Variants in TRERF1 observed in about 807,000 individuals in gnomAD.
TRERF1 encodes the protein transcriptional-regulating factor 1.
TRERF1 carries 27 observed loss-of-function variants against 122.9 expected under a neutral mutation model. That is an observed-to-expected ratio of 0.22 (90% confidence interval 0.16 to 0.30). TRERF1 has a LOEUF of 0.30. TRERF1 is among the 10% of genes least tolerant of loss of function. The pLI is 1.00. For missense variants in TRERF1, 1,248 were observed against 1,560.3 expected (o/e 0.80, Z 3.37); for synonymous variants, 636 against 641.7 (o/e 0.99, Z 0.13).
At chr6:42,418,005 T>G (rs1380187453) in intron 2 of TRERF1, among the ~76,000 whole-genome samples, 1 of 152,112 alleles carries the variant, frequency 6.6e-6, no homozygotes, top group Non-Finnish European at 1.5e-5. Context: ...AATCTTTTAC[T>G]GCACTACACA....
intron 3 of TRERF1, among the ~76,000 whole-genome samples, chr6:42,313,974 C>T (rs141028634): frequency 1.3e-5 from 2 of 151,848 alleles, no homozygotes; most frequent in Non-Finnish European, 2.9e-5. Context: ...GGAATGAGAC[C>T]GGAAGCCGGG....
intron 3 of TRERF1, among the ~76,000 whole-genome samples, chr6:42,362,200 A>G (rs1051437164): frequency 6.6e-6 from 1 of 152,202 alleles, no homozygotes; most frequent in Non-Finnish European, 1.5e-5. Flanking sequence ...TGGAACCCCG[A>G]GACACAATGG....
At chr6:42,407,169 A>G (rs1051112583) in intron 2 of TRERF1, among the ~76,000 whole-genome samples, 9 of 152,184 alleles carry the variant, frequency 5.9e-5, no homozygotes, top group African/African-American at 1.7e-4. Context: ...CAGGCTTACA[A>G]AAAGTTTCAA....
At chr6:42,365,436 A>AC (rs1186103107) in intron 2 of TRERF1, among the ~76,000 whole-genome samples, 1 of 152,178 alleles carries the variant, frequency 6.6e-6, no homozygotes, top group East Asian at 1.9e-4. Context: ...TGAAGGCTTC[A>AC]TCATTCTCCC....
In TRERF1 at chr6:42,228,614, CCTG is replaced by C. The variant is rs763016104; in HGVS notation, c.3331_3333del (p.Gln1111del). 3.7e-6 allele frequency: 6 copies of C among 1,613,804 alleles called. No homozygotes were observed. Among genetic ancestry groups the C allele is most frequent in the Non-Finnish European group, 4.2e-6 (5 of 1,179,932 alleles). ...TGAGCCTTTTGCCTCTGTTGTTCCT[CCTG>C]CTGCCTGTGAGTTTTCATGTGTGCA... On this transcript the variant is annotated inframe_deletion, in exon 18 of 18. Coordinates refer to ENST00000372922, the Ensembl canonical transcript of TRERF1. This position sits in a 1 kb window ranked among gnomAD's most constrained non-coding sequence, Gnocchi z 4.2.
intron 2 of TRERF1, among the ~76,000 whole-genome samples, chr6:42,392,067 A>G (rs1300511698): frequency 6.7e-6 from 1 of 149,874 alleles, no homozygotes; most frequent in East Asian, 2.4e-4. Flanking sequence ...CGCAGACCTC[A>G]TCGACACCTG....
intron 3 of TRERF1, among the ~76,000 whole-genome samples, chr6:42,338,618 C>T (rs1423345924): frequency 6.6e-6 from 1 of 152,172 alleles, no homozygotes; most frequent in Non-Finnish European, 1.5e-5. Flanking sequence ...GGTAGACTCA[C>T]GTGGTGCTCC....
chr6:42,306,041 T>G (rs1582934208), intron 3 of TRERF1, among the ~76,000 whole-genome samples: 1 of 132,054 alleles, frequency 7.6e-6, no homozygotes, highest in Non-Finnish European at 1.6e-5. Flanking sequence ...TTACTCTGTC[T>G]CCCAGGCTGG....
intron 2 of TRERF1, among the ~76,000 whole-genome samples, chr6:42,446,244 C>T (rs955670028): frequency 2.0e-5 from 3 of 152,320 alleles, no homozygotes; most frequent in Admixed American, 2.0e-4. Context: ...CTTCCCACTA[C>T]ACTTCAAATG....
chr6:42,272,744 T>C (rs1780450980), intron 4 of TRERF1, among the ~76,000 whole-genome samples: 1 of 152,140 alleles, frequency 6.6e-6, no homozygotes, highest in South Asian at 2.1e-4. Context: ...CTTGAAATGC[T>C]CTGGCCCACT....
intron 3 of TRERF1, among the ~76,000 whole-genome samples, chr6:42,346,709 G>A (rs1768356659): frequency 6.6e-6 from 1 of 152,192 alleles, no homozygotes; most frequent in African/African-American, 2.4e-5. Context: ...CTAGAACTCA[G>A]GACTTTCATA....
At chr6:42,371,141 AAGAAC>A (rs1482010383) in intron 2 of TRERF1, among the ~76,000 whole-genome samples, 3 of 152,174 alleles carry the variant, frequency 2.0e-5, no homozygotes, top group Non-Finnish European at 4.4e-5. Flanking sequence ...TCTAGGCAGC[AAGAAC>A]AGAACTGAGA....
intron 2 of TRERF1, among the ~76,000 whole-genome samples, chr6:42,366,219 C>T (rs766195307): frequency 1.3e-5 from 2 of 152,178 alleles, no homozygotes; most frequent in Admixed American, 1.3e-4. Flanking sequence ...TCCCTGTGCC[C>T]ATGTGGACTG....
rs763149321 is a variant in TRERF1, at chr6:42,232,666, G to A, written c.3278+15C>T. On this transcript the variant is annotated intron_variant, in intron 17 of 17. Transcript: ENST00000372922. The surrounding 1 kb of genome is among the most constrained non-coding windows in gnomAD (Gnocchi z 4.5). ...ATCATGAACTCAGATTCAGTCCCCG[G>A]TCCCCTGCACCTACTTGCCACACTC... 1.9e-6 allele frequency: 3 copies of A among 1,573,934 alleles called. No individual in the cohort carries two copies. In the African/African-American group the frequency reaches 4.0e-5, roughly 21 times the overall value.
chr6:42,355,399 A>G (rs1298835113), intron 3 of TRERF1, among the ~76,000 whole-genome samples: 1 of 152,198 alleles, frequency 6.6e-6, no homozygotes, highest in Non-Finnish European at 1.5e-5. Flanking sequence ...AATATAATCT[A>G]TTTGGTTATG....
At chr6:42,354,674 G>T (rs1418055515) in intron 3 of TRERF1, among the ~76,000 whole-genome samples, 1 of 152,006 alleles carries the variant, frequency 6.6e-6, no homozygotes, top group Non-Finnish European at 1.5e-5. Context: ...TTATGCAAGG[G>T]TCTATTTCTG....
chr6:42,414,996 C>T (rs1433952002), intron 2 of TRERF1, among the ~76,000 whole-genome samples: 1 of 152,184 alleles, frequency 6.6e-6, no homozygotes, highest in African/African-American at 2.4e-5. Flanking sequence ...CCAAAGCAAT[C>T]GTATCCATTT....
At chr6:42,446,506 A>G (rs527906339) in intron 2 of TRERF1, among the ~76,000 whole-genome samples, 9 of 152,318 alleles carry the variant, frequency 5.9e-5, no homozygotes, top group Admixed American at 2.6e-4. Context: ...ACAATTGGCA[A>G]GCTGTATTTC....
chr6:42,277,898 GGAAGAAGGAAGAA>G lies in TRERF1; in HGVS notation c.-258-8063_-258-8051del, dbSNP rs1376192356. On this transcript the variant is annotated intron_variant, in intron 4 of 17. Coordinates refer to ENST00000372922, the Ensembl canonical transcript of TRERF1. Reference sequence around the variant, plus strand: ...AGAAGGAAGAAGGAAGAAGGAAGAAGGAAGAAGGAAGAAGAAGAAGAAGAAGAAGAAGAAGAAG... The same window carrying G: ...AGAAGGAAGAAGGAAGAAGGAAGAAGGAAGAAGAAGAAGAAGAAGAAGAAG... 5.5e-3 allele frequency among the ~76,000 whole-genome samples: 623 copies of G among 113,746 alleles called. 6 individuals carry two copies. Among genetic ancestry groups the G allele is most frequent in the Middle Eastern group, 0.025 (6 of 238 alleles). 74.6% of individuals were successfully genotyped at this position (113,746 alleles called of 152,430 possible).
Sources: allele counts gnomAD v4.1 joint callset (sites outside exome capture counted in the v4.1 genomes callset), GRCh38; gene constraint gnomAD v4.1.1; non-coding constraint Gnocchi (gnomAD v3.1); transcripts MANE v1.5; gene names NCBI Gene and HGNC (gene_info 2026-07-23, HGNC 2026-07-21).